The following MICU1 variants were observed in gnomAD, a reference collection of about 807,000 sequenced individuals.
The protein encoded by MICU1 is calcium uptake protein 1, mitochondrial.
MICU1 carries 45 observed loss-of-function variants against 56.8 expected under a neutral mutation model. The observed-to-expected ratio is 0.79, with a 90% CI of 0.62 to 1.02. The LOEUF (loss-of-function observed/expected upper bound fraction) is 1.02, where lower values mean the gene tolerates loss of function less well. Among genes scored for constraint, MICU1 ranks in the 50% least tolerant of loss-of-function variants. The pLI is 0.00. For synonymous variants in MICU1, 186 were observed against 195.1 expected, an observed-to-expected ratio of 0.95 and a Z score of 0.39; for missense variants, 504 against 587.1, an observed-to-expected ratio of 0.86 and a Z score of 1.46.
intron 1 of MICU1, among the ~76,000 whole-genome samples, chr10:72,577,863 A>C (rs1840790279): frequency 6.6e-6 from 1 of 152,202 alleles, no homozygotes. Flanking sequence ...ATGAACAAAT[A>C]AAGCGGTTTC....
At chr10:72,614,619 T>C (rs1265220843) in intron 1 of MICU1, among the ~76,000 whole-genome samples, 1 of 152,206 alleles carries the variant, frequency 6.6e-6, no homozygotes, top group African/African-American at 2.4e-5. Flanking sequence ...TGCTACAACA[T>C]GGATGAACCT....
At chr10:72,381,717 C>T (rs973129889) in intron 10 of MICU1, among the ~76,000 whole-genome samples, 12 of 152,130 alleles carry the variant, frequency 7.9e-5, no homozygotes, top group Non-Finnish European at 2.9e-5. Context: ...TTTTCTGAGC[C>T]TGAGCGCATC....
At chr10:72,557,895 T>A (rs757453490) in intron 3 of MICU1, among the ~76,000 whole-genome samples, 8 of 152,240 alleles carry the variant, frequency 5.3e-5, no homozygotes, top group South Asian at 2.1e-4. Context: ...TTCTTTCGCA[T>A]CTTGTTTGGC....
chr10:72,617,140 G>GT (rs993426561), intron 1 of MICU1, among the ~76,000 whole-genome samples: 4 of 151,854 alleles, frequency 2.6e-5, no homozygotes, highest in South Asian at 4.2e-4. Flanking sequence ...TAGAAGACCA[G>GT]TTTTTTTTGT....
At chr10:72,516,158 G>A (rs1312321119) in intron 5 of MICU1, among the ~76,000 whole-genome samples, 1 of 152,068 alleles carries the variant, frequency 6.6e-6, no homozygotes, top group Non-Finnish European at 1.5e-5. Context: ...GTATCTCATT[G>A]CGGTTTTGAT....
chr10:72,405,973 A>G (rs1347434129), intron 10 of MICU1, among the ~76,000 whole-genome samples: 1 of 152,056 alleles, frequency 6.6e-6, no homozygotes, highest in Non-Finnish European at 1.5e-5. Flanking sequence ...TCAATATTGT[A>G]TTGGTGGGGT....
chr10:72,477,145 AT>A, intron 7 of MICU1, 28 bp downstream of exon 7: 1 of 1,470,322 alleles, frequency 6.8e-7, no homozygotes, highest in Non-Finnish European at 9.2e-7. Flanking sequence ...ATATTAATGT[AT>A]TTAGAGGAAC....
intron 8 of MICU1, among the ~76,000 whole-genome samples, chr10:72,467,378 T>A (rs1369140520): frequency 1.3e-5 from 2 of 152,116 alleles, no homozygotes; most frequent in African/African-American, 4.8e-5. Context: ...TAGATGGGGT[T>A]TTGCCATCTT....
At chr10:72,375,697 T>C (rs1862492867) in intron 11 of MICU1, 86 bp downstream of exon 11, 3 of 1,239,154 alleles carry the variant, frequency 2.4e-6, no homozygotes, top group Non-Finnish European at 3.4e-6. Flanking sequence ...GGTACACAGA[T>C]GCTGTCCGCA....
Position 72,618,157 on chromosome 10 carries a change from ACT to A in MICU1, c.-2+7851_-2+7852del, listed in dbSNP as rs1202056996. On this transcript the variant is annotated intron_variant, in intron 1 of 11. Coordinates refer to ENST00000361114, the MANE Select transcript of MICU1 (RefSeq NM_001195518.2). ...ACTCCAGCCTGGTCAACAGAGCCAGACTCTGTCTCAAAAAAAAAAAAAAAAAC... is the reference window on the plus strand; with the variant it reads ...ACTCCAGCCTGGTCAACAGAGCCAGACTGTCTCAAAAAAAAAAAAAAAAAC... Among the ~76,000 whole-genome samples the A allele has an allele frequency of 2.7e-5, 4 of 148,650 alleles. No individual in the cohort carries two copies. In the East Asian group the frequency reaches 7.9e-4, roughly 29 times the overall value.
At chr10:72,533,835 A>G (rs1381914869) in intron 4 of MICU1, 46 bp from the exon 5 acceptor site, 1 of 1,324,388 alleles carries the variant, frequency 7.6e-7, no homozygotes, top group South Asian at 1.3e-5. Flanking sequence ...TAATAACTCA[A>G]GTGAAATTTA....
chr10:72,380,959 C>T lies in MICU1; in HGVS notation c.1181-5087G>A, dbSNP rs190514154. ...AGGTTGGCCGTGGATCTGACTACCC[C>T]CTACAGTGGAAGACACTGAGTATTC... On this transcript the variant is annotated intron_variant, in intron 10 of 11. Coordinates refer to ENST00000361114, the MANE Select transcript of MICU1 (RefSeq NM_001195518.2). 1.6e-4 allele frequency among the ~76,000 whole-genome samples: 24 copies of T among 152,260 alleles called. No homozygotes were observed. In the East Asian group the frequency reaches 4.2e-3, roughly 27 times the overall value.
intron 6 of MICU1, among the ~76,000 whole-genome samples, chr10:72,506,594 A>T (rs1270620542): frequency 2.0e-5 from 3 of 152,206 alleles, no homozygotes; most frequent in Admixed American, 6.5e-5. Flanking sequence ...GTGACAGAAT[A>T]AAAAAATAAA....
At chr10:72,585,420 C>T (rs1156344723) in intron 1 of MICU1, among the ~76,000 whole-genome samples, 5 of 152,066 alleles carry the variant, frequency 3.3e-5, no homozygotes, top group Admixed American at 1.3e-4. Context: ...TTAGGCCAGG[C>T]GCGGTGGCTC....
intron 2 of MICU1, among the ~76,000 whole-genome samples, chr10:72,564,544 GAAA>G (rs11465166): frequency 9.3e-6 from 1 of 107,396 alleles, no homozygotes; most frequent in Non-Finnish European, 1.8e-5. Context: ...ATCTCAAAAA[GAAA>G]AAAAAAAAAA....
chr10:72,408,064 G>A, intron 9 of MICU1, 27 bp from the exon 10 acceptor site: 3 of 1,499,148 alleles, frequency 2.0e-6, no homozygotes, highest in Non-Finnish European at 2.8e-6. Flanking sequence ...AGCAAGGTAA[G>A]GCAGGACCTG....
At chr10:72,526,298 TAC>T (rs1867960103) in intron 5 of MICU1, among the ~76,000 whole-genome samples, 1 of 152,106 alleles carries the variant, frequency 6.6e-6, no homozygotes, top group East Asian at 1.9e-4. Flanking sequence ...GCAAATTAAT[TAC>T]ATTCTTTTTT....
At chr10:72,568,604 C>G (rs1840505449) in intron 1 of MICU1, among the ~76,000 whole-genome samples, 1 of 152,072 alleles carries the variant, frequency 6.6e-6, no homozygotes, top group African/African-American at 2.4e-5. Context: ...CCCAGCTGAG[C>G]CAGCTGAGCA....
intron 11 of MICU1, among the ~76,000 whole-genome samples, chr10:72,374,188 A>G (rs1470519315): frequency 6.6e-6 from 1 of 152,188 alleles, no homozygotes; most frequent in Non-Finnish European, 1.5e-5. Context: ...TGGTGTGATC[A>G]TGGCTCACTG....
Sources: allele counts gnomAD v4.1 joint callset (sites outside exome capture counted in the v4.1 genomes callset), GRCh38; gene constraint gnomAD v4.1.1; transcripts MANE v1.5; gene names NCBI Gene and HGNC (gene_info 2026-07-23, HGNC 2026-07-21).